Variants in PCDHA1 observed in about 807,000 individuals in gnomAD.
PCDHA1 encodes the protein protocadherin alpha 1, also known as protocadherin alpha-1.
A neutral mutation model predicts 61.3 loss-of-function variants in PCDHA1; 42 were observed. That is an observed-to-expected ratio of 0.69 (90% CI 0.54 to 0.89). PCDHA1 has a LOEUF of 0.89. Among genes scored for constraint, PCDHA1 ranks in the 40% least tolerant of loss-of-function variants. The pLI is 0.00. For synonymous variants in PCDHA1, 610 were observed against 553.8 expected (o/e 1.10, Z -1.43); for missense variants, 1,256 against 1,235.3 (o/e 1.02, Z -0.25).
intron 1 of PCDHA1, chr5:140,858,069 C>A: frequency 6.3e-7 from 1 of 1,597,662 alleles, no homozygotes; most frequent in Non-Finnish European, 8.6e-7. Flanking sequence ...GGCAGCCAGG[C>A]ACCCAAGGCC....
chr5:140,812,986 A>G (rs2126643118), intron 1 of PCDHA1: 1 of 152,222 alleles, frequency 6.6e-6, no homozygotes, highest in South Asian at 2.1e-4. Context: ...GTTTTATTCC[A>G]CTGTGGTCAG....
At chr5:140,898,410 C>T (rs1554187963) in intron 1 of PCDHA1, among the ~76,000 whole-genome samples, 4 of 152,212 alleles carry the variant, frequency 2.6e-5, no homozygotes. Flanking sequence ...CTACATACGG[C>T]TAGCCAGTTT....
In PCDHA1 at chr5:140,786,582, T is replaced by A; in HGVS notation, c.292T>A (p.Trp98Arg). 6.2e-7 allele frequency: 1 copy of A among 1,614,212 alleles called. No homozygotes were observed. The stretch of plus-strand genomic sequence containing the variant: ...GATCGATCGCGAGGAGCTGTGCCAG[T>A]GGAGCGCGGAGTGCAGCATCCACCT... ...SRIDREELCQWSAECSIHLEL... is the reference protein window; with the variant it reads ...SRIDREELCQRSAECSIHLEL... The change falls in exon 1 of 4, where the codon TGG (tryptophan) becomes AGG (arginine). Residue 98 changes from tryptophan to arginine, a missense_variant. Physicochemically the swap from Trp to Arg is moderately radical, Grantham distance 101 (BLOSUM62 -3). Coordinates refer to ENST00000504120, the MANE Select transcript of PCDHA1 (RefSeq NM_018900.4).
At chr5:140,843,795 T>C in intron 1 of PCDHA1, 2 of 1,353,268 alleles carry the variant, frequency 1.5e-6, no homozygotes, top group Non-Finnish European at 2.0e-6. Flanking sequence ...AGATTTAGTT[T>C]TTCACCGTAT....
intron 1 of PCDHA1, chr5:140,795,400 A>G (rs782032451): frequency 1.2e-6 from 2 of 1,614,212 alleles, no homozygotes; most frequent in South Asian, 2.2e-5. Context: ...TCCCGAATCA[A>G]GGCTGCTTGA....
At chr5:140,871,774 T>C (rs1164981873) in intron 1 of PCDHA1, among the ~76,000 whole-genome samples, 1 of 152,254 alleles carries the variant, frequency 6.6e-6, no homozygotes, top group African/African-American at 2.4e-5. Context: ...GACTCTTCTG[T>C]AGTCACTTGA....
rs570399561 is a variant in PCDHA1, at chr5:140,943,988, C to T, written c.2395-34961C>T. ...GTTAAAGTAATTAAGAAAACAGAGA[C>T]AGAACTACTGAGTACCCCCCAAAAG... On this transcript the variant is annotated intron_variant, in intron 1 of 3. Transcript: ENST00000504120. 8.3e-4 allele frequency among the ~76,000 whole-genome samples: 126 copies of T among 152,216 alleles called. 3 individuals carry two copies. The Middle Eastern group carries it at 0.017, about 21-fold the overall frequency.
chr5:140,895,174 A>T (rs1554186407), intron 1 of PCDHA1, among the ~76,000 whole-genome samples: 2 of 152,150 alleles, frequency 1.3e-5, no homozygotes, highest in African/African-American at 4.8e-5. Context: ...ATCTATTTGT[A>T]GTCCCTTCTG....
intron 1 of PCDHA1, chr5:140,929,209 G>C (rs553616030): frequency 1.2e-6 from 2 of 1,613,936 alleles, no homozygotes. Context: ...GCTGTTGCGT[G>C]GGGAGTACAA....
intron 1 of PCDHA1, chr5:140,802,546 A>G: frequency 6.2e-7 from 1 of 1,614,176 alleles, no homozygotes; most frequent in Non-Finnish European, 8.5e-7. Flanking sequence ...GACGTGAACG[A>G]CAATGCGCCG....
intron 1 of PCDHA1, chr5:140,821,648 A>G (rs1581773155): frequency 9.2e-7 from 1 of 1,086,806 alleles, no homozygotes; most frequent in Non-Finnish European, 1.3e-6. Context: ...AGAACCTTCC[A>G]TTTTTGGCTG....
At chr5:140,791,974 TG>T (rs1243240804) in intron 1 of PCDHA1, among the ~76,000 whole-genome samples, 2 of 152,172 alleles carry the variant, frequency 1.3e-5, no homozygotes, top group Non-Finnish European at 2.9e-5. Flanking sequence ...TTAATTTCCT[TG>T]GGCTGATGCA....
At chr5:140,842,856 C>T (rs782295377) in intron 1 of PCDHA1, 1 of 1,593,922 alleles carries the variant, frequency 6.3e-7, no homozygotes, top group African/African-American at 1.3e-5. Context: ...TCGGTGCACA[C>T]GGAGAGCGGC....
chr5:140,882,052 C>A (rs2058925535), intron 1 of PCDHA1: 5 of 766,334 alleles, frequency 6.5e-6, no homozygotes, highest in Admixed American at 3.1e-5. Context: ...GTCATACTTA[C>A]ACTTACACGT....
At chr5:140,891,330 T>G (rs995602420) in intron 1 of PCDHA1, among the ~76,000 whole-genome samples, 14 of 152,108 alleles carry the variant, frequency 9.2e-5, no homozygotes, top group Non-Finnish European at 1.9e-4. Flanking sequence ...TGGTGGTGAT[T>G]TGTGAGATTT....
intron 1 of PCDHA1, among the ~76,000 whole-genome samples, chr5:140,874,119 GTTTA>G (rs1582151784): frequency 6.6e-6 from 1 of 152,064 alleles, no homozygotes; most frequent in Non-Finnish European, 1.5e-5. Flanking sequence ...ACGTTTTATA[GTTTA>G]TTTAAGTTAT....
At position 140,856,167 on chromosome 5, in the gene PCDHA1, A is replaced by T. The variant is rs141221498; in HGVS notation, c.2394+67483A>T. ...TACTCAGTCTACGAGGAGGCCAGAC[A>T]CGGCACCTTCGTGGGCCGCATCGCG... is the stretch of plus-strand genomic sequence containing the variant. On this transcript the variant is annotated intron_variant, in intron 1 of 3. Coordinates refer to ENST00000504120, the MANE Select transcript of PCDHA1 (RefSeq NM_018900.4). 4.0e-5 allele frequency: 64 copies of T among 1,598,222 alleles called. 4 individuals carry two copies. The African/African-American group carries it at 8.5e-4, about 21-fold the overall frequency.
chr5:140,822,165 C>T (rs2150114223), intron 1 of PCDHA1: 3 of 1,614,238 alleles, frequency 1.9e-6, no homozygotes, highest in South Asian at 2.2e-5. Context: ...ACAATCCGCC[C>T]AGGTTCTCCA....
intron 3 of PCDHA1, among the ~76,000 whole-genome samples, chr5:140,985,312 G>C (rs961087434): frequency 2.0e-5 from 3 of 152,102 alleles, no homozygotes; most frequent in Non-Finnish European, 2.9e-5. Flanking sequence ...TAGCCTGGTG[G>C]CCAGAATTCA....
Sources: gnomAD v4.1 joint callset for allele counts (sites outside exome capture counted in the v4.1 genomes callset) on GRCh38, gnomAD v4.1.1 for gene constraint, MANE v1.5 for transcripts, NCBI Gene and HGNC (gene_info 2026-07-23, HGNC 2026-07-21) for gene names.